Variants in GANAB observed in about 807,000 individuals in gnomAD.
The protein encoded by GANAB is neutral alpha-glucosidase AB.
A neutral mutation model predicts 129.9 loss-of-function variants in GANAB; 35 were observed. The ratio of observed to expected loss-of-function variants is 0.27; its 90% confidence interval spans 0.21 to 0.36. The LOEUF is 0.36. Among genes scored for constraint, GANAB ranks in the 10% least tolerant of loss-of-function variants. GANAB has a pLI of 1.00. For synonymous variants in GANAB, 482 were observed against 451.8 expected (o/e 1.07, Z -0.85); for missense variants, 939 against 1,221.0 (o/e 0.77, Z 3.44).
Position 62,626,340 on chromosome 11 carries a change from G to C in GANAB, c.2619C>G (p.Val873=). 6.2e-7 allele frequency: 1 copy of C among 1,603,116 alleles called. No individual in the cohort carries two copies. Among genetic ancestry groups the C allele is most frequent in the Non-Finnish European group, 8.5e-7 (1 of 1,169,956 alleles). ...RRFSFSGNTL[V]SSSADPEGHF... is the part of the protein sequence containing the mutation. Reference sequence around the variant, plus strand: ...AAGAGTGGGTGACCCATTACCTGGAGACAAGGGTGTTGCCAGAGAATGAGA... The same window carrying C: ...AAGAGTGGGTGACCCATTACCTGGACACAAGGGTGTTGCCAGAGAATGAGA... Residue 873 remains valine, a synonymous_variant, in exon 22 of 24, where the codon GTC becomes GTG. Coordinates refer to ENST00000356638, the MANE Select transcript of GANAB (RefSeq NM_198334.3).
In GANAB at chr11:62,627,301, G is replaced by C. The variant is rs1943438955; in HGVS notation, c.2233C>G (p.Gln745Glu). 2.5e-6 allele frequency: 4 copies of C among 1,575,414 alleles called. No individual in the cohort carries two copies. Among genetic ancestry groups the C allele is most frequent in the African/African-American group, 1.3e-5 (1 of 74,116 alleles). Reference sequence around the variant, plus strand: ...CCTCATTTCTCACCAAGCAAGTACTGATCATCTATATTGAAGGTAGTCACA... The same window carrying C: ...CCTCATTTCTCACCAAGCAAGTACTCATCATCTATATTGAAGGTAGTCACA... ...QDVTTFNIDD[Q>E]YLLGDALLVH... Residue 745 changes from glutamine (Q) to glutamate (E), a missense_variant, in exon 18 of 24, where the codon CAG becomes GAG. Coordinates refer to ENST00000356638, the MANE Select transcript of GANAB (RefSeq NM_198334.3).
intron 3 of GANAB, 76 bp from the exon 4 acceptor site, chr11:62,639,186 CT>C: frequency 1.3e-6 from 2 of 1,530,890 alleles, no homozygotes; most frequent in Non-Finnish European, 1.8e-6. Flanking sequence ...CCATTCTCTC[CT>C]AAGGGGTTTC....
In GANAB at chr11:62,629,309, G is replaced by A; in HGVS notation, c.1835-14C>T. 6.4e-7 allele frequency: 1 copy of A among 1,557,092 alleles called. No individual in the cohort carries two copies. Among genetic ancestry groups the A allele is most frequent in the East Asian group, 2.2e-5 (1 of 44,610 alleles). On this transcript the variant is annotated splice_polypyrimidine_tract_variant and intron_variant, in intron 15 of 23. Transcript: ENST00000356638. The stretch of plus-strand genomic sequence containing the variant: ...TCCACACGGCTCCTGAGGAAGACAA[G>A]AAGTGGGGAGCTTGCACATGGTAAA...
Position 62,632,638 on chromosome 11 carries a change from T to C in GANAB, c.923A>G (p.His308Arg), listed in dbSNP as rs757753862. The change falls in exon 9 of 24, where the codon CAT becomes CGT. Residue 308 changes from histidine to arginine, a missense_variant. His to Arg is a conservative substitution (Grantham distance 29). This residue lies in a region of GANAB where 220 missense variants were observed against 295.9 expected (regional missense o/e 0.74). Coordinates refer to ENST00000356638, the MANE Select transcript of GANAB (RefSeq NM_198334.3). Reference sequence around the variant, plus strand: ...GAGCCAGAAGATGCCCAAGTCGCGATGAGGGTTGTGTGCCAGGAGCACAGG... The same window carrying C: ...GAGCCAGAAGATGCCCAAGTCGCGACGAGGGTTGTGTGCCAGGAGCACAGG... ...SVPVLLAHNP[H>R]RDLGIFWLNA... The C allele has an allele frequency of 3.7e-6, 6 of 1,613,954 alleles. No homozygotes were observed. The highest frequency in any genetic ancestry group is 1.1e-5 in the South Asian group (1 of 91,084).
At chr11:62,640,393 C>T (rs1944186951) in intron 1 of GANAB, among the ~76,000 whole-genome samples, 2 of 148,562 alleles carry the variant, frequency 1.3e-5, no homozygotes, top group Non-Finnish European at 3.0e-5. Flanking sequence ...ATTAGCCGGG[C>T]GTGGTGGCAG....
In GANAB at chr11:62,646,575, C is replaced by T. The variant is rs755483091; in HGVS notation, c.25G>A (p.Ala9Thr). The T allele has an allele frequency of 1.2e-5, 19 of 1,613,632 alleles. No individual in the cohort carries two copies. The highest frequency in any genetic ancestry group is 2.7e-5 in the African/African-American group (2 of 74,944). ...CGGGCTCCTCACCGCCTCCTACGCG[C>T]CGCCACTGCCGCTACCGCCGCCATC... MAAVAAVA[A>T]RRRRSWASLV... Residue 9 changes from alanine to threonine, a missense_variant, in exon 1 of 24, where the codon GCG (alanine) becomes ACG (threonine). Ala to Thr is a moderately conservative substitution (Grantham distance 58). Coordinates refer to ENST00000356638, the MANE Select transcript of GANAB (RefSeq NM_198334.3).
chr11:62,639,253 T>C (rs1944107596), intron 3 of GANAB, 106 bp downstream of exon 3: 1 of 1,298,578 alleles, frequency 7.7e-7, no homozygotes, highest in Non-Finnish European at 1.1e-6. Flanking sequence ...AAAGTAAAAG[T>C]CCAAAGATTA....
In GANAB at chr11:62,646,428, C is replaced by T. The variant is rs895763549; in HGVS notation, c.38+134G>A. The T allele has an allele frequency of 8.7e-6, 9 of 1,032,052 alleles. No individual in the cohort carries two copies. In the East Asian group the frequency reaches 1.8e-4, roughly 21 times the overall value. 63.9% of individuals were successfully genotyped at this position (1,032,052 alleles called of 1,614,324 possible). A position where few individuals can be genotyped will look rare whatever the true frequency, so the allele number is the denominator to read the frequency against. ...CGGGGAGACCGGAGGCGTCTGAGGCCGCCTCCAGAGGAACAAAGGTTCCTC... is the reference window on the plus strand; with the variant it reads ...CGGGGAGACCGGAGGCGTCTGAGGCTGCCTCCAGAGGAACAAAGGTTCCTC... On this transcript the variant is annotated intron_variant, in intron 1 of 23. Coordinates refer to ENST00000356638, the MANE Select transcript of GANAB (RefSeq NM_198334.3).
In GANAB at chr11:62,625,814, G is replaced by A. The variant is rs1375986610; in HGVS notation, c.*1C>T. ...CCCCCTAACCCAGAACATCCCTTGG[G>A]TTATCGCAGGTGAATACTCCAATCA... On this transcript the variant is annotated 3_prime_UTR_variant, in exon 24 of 24. Transcript: ENST00000356638. The A allele has an allele frequency of 3.8e-6, 6 of 1,573,668 alleles. No individual in the cohort carries two copies. Among genetic ancestry groups the A allele is most frequent in the Non-Finnish European group, 3.5e-6 (4 of 1,143,550 alleles).
chr11:62,626,819 T>G (rs1365835487), intron 20 of GANAB, 41 bp downstream of exon 20: 1 of 1,485,128 alleles, frequency 6.7e-7, no homozygotes. Flanking sequence ...TCTGGAAATT[T>G]ACAGGGAGAT....
chr11:62,646,403 C>T lies in GANAB; in HGVS notation c.38+159G>A, dbSNP rs570952294. On this transcript the variant is annotated intron_variant, in intron 1 of 23. Coordinates refer to ENST00000356638, the MANE Select transcript of GANAB (RefSeq NM_198334.3). The stretch of plus-strand genomic sequence containing the variant: ...CCCCCAGCGTCGCTCGGATCTACCA[C>T]GGGGAGACCGGAGGCGTCTGAGGCC... Among the ~76,000 whole-genome samples, 50 of 152,228 alleles carry T rather than the reference C, an allele frequency of 3.3e-4. 1 individual carries two copies. The South Asian group carries it at 0.01, about 31-fold the overall frequency.
chr11:62,646,190 C>T (rs78278641), intron 1 of GANAB, among the ~76,000 whole-genome samples: 16,172 of 152,244 alleles, frequency 0.11, 1,126 homozygotes, highest in East Asian at 0.26. Context: ...AGGCTGCATT[C>T]CCCGAGGCCA....
chr11:62,627,301 G>T lies in GANAB; in HGVS notation c.2233C>A (p.Gln745Lys). The T allele has an allele frequency of 6.3e-7, 1 of 1,575,528 alleles. No individual in the cohort carries two copies. The highest frequency in any genetic ancestry group is 1.1e-5 in the South Asian group (1 of 90,340). ...CCTCATTTCTCACCAAGCAAGTACT[G>T]ATCATCTATATTGAAGGTAGTCACA... ...QDVTTFNIDD[Q>K]YLLGDALLVH... Residue 745 changes from glutamine (Q) to lysine (K), a missense_variant, in exon 18 of 24, where the codon CAG (glutamine) becomes AAG (lysine). This residue lies in a region of GANAB where 230 missense variants were observed against 259.9 expected (regional missense o/e 0.89). Transcript: ENST00000356638.
chr11:62,639,198 T>C (rs1006986687), intron 3 of GANAB, 88 bp from the exon 4 acceptor site: 6 of 1,482,260 alleles, frequency 4.0e-6, no homozygotes, highest in African/African-American at 2.8e-5. Flanking sequence ...AAGGGGTTTC[T>C]TCCTTTGAGC....
rs1943534101 is a variant in GANAB, at chr11:62,628,996, G to A, written c.1953C>T (p.Phe651=). 6.2e-7 allele frequency: 1 copy of A among 1,612,954 alleles called. No individual in the cohort carries two copies. Among genetic ancestry groups the A allele is most frequent in the South Asian group, 1.1e-5 (1 of 91,090 alleles). Residue 651 remains phenylalanine (F), a synonymous_variant, in exon 17 of 24, where the codon TTC becomes TTT. Transcript: ENST00000356638. ...GCAGCTCTGGCTCTGGGTTTTTGAA[G>A]AAGCCACCCACATCCGCTGGTAGAG... ...LSFCGADVGG[F]FKNPEPELLV...
chr11:62,644,150 G>A (rs1260262523), intron 1 of GANAB, among the ~76,000 whole-genome samples: 4 of 151,948 alleles, frequency 2.6e-5, no homozygotes, highest in Non-Finnish European at 5.9e-5. Flanking sequence ...CTCTGTGTTG[G>A]TCAGGCTGGT....
chr11:62,630,775 C>G lies in GANAB; in HGVS notation c.1212G>C (p.Arg404=), dbSNP rs769250942. 7 of 1,613,978 alleles carry G rather than the reference C, an allele frequency of 4.3e-6. No individual in the cohort carries two copies. Among genetic ancestry groups the G allele is most frequent in the Middle Eastern group, 1.6e-4 (1 of 6,084 alleles). Residue 404 remains arginine (R), a synonymous_variant, in exon 11 of 24, where the codon CGG becomes CGC. Coordinates refer to ENST00000356638, the MANE Select transcript of GANAB (RefSeq NM_198334.3). ...CCACTTCCAGCACATCAGCCTCGTC[C>G]CGGTAGTTCCAACGGCTCTGGTGGT... is the stretch of plus-strand genomic sequence containing the variant. The part of the protein sequence containing the change: ...LGYHQSRWNY[R]DEADVLEVDQ...
Position 62,634,974 on chromosome 11 carries a change from T to C in GANAB, c.407A>G (p.Asn136Ser), listed in dbSNP as rs1480159544. The C allele has an allele frequency of 6.2e-7, 1 of 1,613,270 alleles. No individual in the cohort carries two copies. Among genetic ancestry groups the C allele is most frequent in the Non-Finnish European group, 8.5e-7 (1 of 1,179,328 alleles). Reference sequence around the variant, plus strand: ...CTCAGCCATGGTTAACTCCACACTGTTCTCATCACGACCAGAGACAGAAAG... The same window carrying C: ...CTCAGCCATGGTTAACTCCACACTGCTCTCATCACGACCAGAGACAGAAAG... ...ARLSVSGRDENSVELTMAEGP... is the reference protein window; with the variant it reads ...ARLSVSGRDESSVELTMAEGP... The change falls in exon 5 of 24, where the codon AAC (asparagine) becomes AGC (serine). Residue 136 changes from asparagine (N) to serine (S), a missense_variant. Coordinates refer to ENST00000356638, the MANE Select transcript of GANAB (RefSeq NM_198334.3).
chr11:62,630,888 AGAAACTGAGGGAGGCTTGT>A (rs1350820023), intron 10 of GANAB, 52 bp from the exon 11 acceptor site: 1 of 1,531,164 alleles, frequency 6.5e-7, no homozygotes, highest in East Asian at 2.3e-5. Context: ...CCCAACACCC[AGAAACTGAGGGAGGCTTGT>A]GAACTAGAGG....
Sources: allele counts gnomAD v4.1 joint callset (sites outside exome capture counted in the v4.1 genomes callset), GRCh38; gene constraint gnomAD v4.1.1; regional missense constraint gnomAD v4.1.1; transcripts MANE v1.5; gene names NCBI Gene and HGNC (gene_info 2026-07-23, HGNC 2026-07-21).